The following BCAM variants were observed in gnomAD, a reference collection of about 807,000 sequenced individuals.
BCAM encodes basal cell adhesion molecule.
Under a neutral mutation model 72.4 loss-of-function variants are expected in BCAM, and 61 were observed. That is an observed-to-expected ratio of 0.84 (90% CI 0.69 to 1.04). The LOEUF is 1.04. BCAM is among the 50% of genes least tolerant of loss of function. The pLI is 0.00. For missense variants in BCAM, 909 were observed against 895.0 expected, an observed-to-expected ratio of 1.02 and a Z score of -0.20; for synonymous variants, 408 against 384.2, an observed-to-expected ratio of 1.06 and a Z score of -0.73.
chr19:44,817,216 G>A (rs1005485334), intron 8 of BCAM, among the ~76,000 whole-genome samples: 2 of 152,092 alleles, frequency 1.3e-5, no homozygotes, highest in Admixed American at 6.6e-5. Flanking sequence ...TAGCCTGGGC[G>A]ACAGAGCCAA....
rs937537692 is a variant in BCAM at position 44,811,322 on chromosome 19, C to A, written c.180C>A (p.Asp60Glu). 1 of 1,612,840 alleles carries A rather than the reference C, an allele frequency of 6.2e-7. No homozygotes were observed. Among genetic ancestry groups the A allele is most frequent in the Non-Finnish European group, 8.5e-7 (1 of 1,179,428 alleles). Residue 60 changes from aspartate (D) to glutamate (E), a missense_variant, in exon 2 of 15, where the codon GAC becomes GAA. Asp to Glu is a conservative substitution (Grantham distance 45, BLOSUM62 2). Coordinates refer to ENST00000270233, the MANE Select transcript of BCAM (RefSeq NM_005581.5). ...ACTGCACCCCTACGGGAACCCACGA[C>A]CATTATATGCTGGAATGGTTCCTTG... ...ILDCTPTGTH[D>E]HYMLEWFLTD...
intron 12 of BCAM, 39 bp downstream of exon 12, chr19:44,819,529 G>A: frequency 7.4e-6 from 12 of 1,613,422 alleles, no homozygotes; most frequent in Non-Finnish European, 1.0e-5. Flanking sequence ...CCGGGTGTGG[G>A]GCAGACAGAG....
At position 44,819,086 on chromosome 19, in the gene BCAM, A is replaced by T; in HGVS notation, c.1367A>T (p.Glu456Val). ...GSPELKTAEI[E>V]PKADGSWREG... ...CCAGAGCTAAAGACAGCGGAAATAGAGCCCAAGGCAGATGGCAGCTGGAGG... is the reference window on the plus strand; with the variant it reads ...CCAGAGCTAAAGACAGCGGAAATAGTGCCCAAGGCAGATGGCAGCTGGAGG... The change falls in exon 11 of 15, where the codon GAG becomes GTG. Residue 456 changes from glutamate to valine, a missense_variant. Coordinates refer to ENST00000270233, the MANE Select transcript of BCAM (RefSeq NM_005581.5). The T allele has an allele frequency of 6.2e-7, 1 of 1,614,066 alleles. No homozygotes were observed. The highest frequency in any genetic ancestry group is 8.5e-7 in the Non-Finnish European group (1 of 1,179,992).
Position 44,814,904 on chromosome 19 carries a change from G to GTT in BCAM, c.1078+144_1078+145insTT. On this transcript the variant is annotated intron_variant, in intron 8 of 14. Coordinates refer to ENST00000270233, the MANE Select transcript of BCAM (RefSeq NM_005581.5). The surrounding 1 kb of genome is among the most constrained non-coding windows in gnomAD (Gnocchi z 4.6). The stretch of plus-strand genomic sequence containing the variant: ...CTCTGCATTTCTTGGGGGTTTTTTT[G>GTT]GTTGTTTTTTTTTTTTTTTTTTTCC... 2 of 964,212 alleles carry GTT rather than the reference G, an allele frequency of 2.1e-6. No individual in the cohort carries two copies. The highest frequency in any genetic ancestry group is 2.8e-6 in the Non-Finnish European group (2 of 725,912). 59.7% of individuals were successfully genotyped at this position (964,212 alleles called of 1,614,324 possible). A position where few individuals can be genotyped will look rare whatever the true frequency, so the allele number is the denominator to read the frequency against.
At position 44,818,859 on chromosome 19, in the gene BCAM, A is replaced by G; in HGVS notation, c.1313A>G (p.Gln438Arg). 2 of 1,614,070 alleles carry G rather than the reference A, an allele frequency of 1.2e-6. No individual in the cohort carries two copies. The highest frequency in any genetic ancestry group is 1.7e-6 in the Non-Finnish European group (2 of 1,179,998). ...ACAGTCCCGGTCCTCAGCCGCACCC[A>G]GAACTTCACGCTGCTGGTCCAAGGT... ...LPTVPVLSRT[Q>R]NFTLLVQGSP... is the part of the protein sequence containing the mutation. Residue 438 changes from glutamine (Q) to arginine (R), a missense_variant, in exon 10 of 15, where the codon CAG becomes CGG. Physicochemically the swap from Gln to Arg is conservative, Grantham distance 43 (BLOSUM62 1). Transcript: ENST00000270233. This position sits in a 1 kb window ranked among gnomAD's most constrained non-coding sequence, Gnocchi z 4.6.
Position 44,814,396 on chromosome 19 carries a change from G to A in BCAM, c.921+108G>A. 1 of 1,481,986 alleles carries A rather than the reference G, an allele frequency of 6.7e-7. No homozygotes were observed. Among genetic ancestry groups the A allele is most frequent in the East Asian group, 2.3e-5 (1 of 43,030 alleles). The allele number at this position is 1,481,986 out of a possible 1,614,324, so 91.8% of individuals were successfully genotyped here. ...GGGACCTGGGAGTCCCCATGGCTTA[G>A]GCAGCCACCTGATCTGGTGGCCCAC... On this transcript the variant is annotated intron_variant, in intron 7 of 14. Transcript: ENST00000270233. The surrounding 1 kb of genome is among the most constrained non-coding windows in gnomAD (Gnocchi z 4.6).
In BCAM at chr19:44,812,870, AAC is replaced by A; in HGVS notation, c.504+323_504+324del. 2.3e-6 allele frequency: 1 copy of A among 432,792 alleles called. No individual in the cohort carries two copies. The highest frequency in any genetic ancestry group is 4.1e-5 in the Admixed American group (1 of 24,642). The allele number at this position is 432,792 out of a possible 1,614,324, so 26.8% of individuals were successfully genotyped here. On this transcript the variant is annotated intron_variant, in intron 4 of 14. Transcript: ENST00000270233. The surrounding 1 kb of genome is among the most constrained non-coding windows in gnomAD (Gnocchi z 5.3). ...GAGGCTGAGACAGGAGAATCACTCGAACCCAGAAGGCAGAGGCTACAGTGAGC... is the reference window on the plus strand; with the variant it reads ...GAGGCTGAGACAGGAGAATCACTCGACCAGAAGGCAGAGGCTACAGTGAGC...
rs962495746 is a variant in BCAM, at chr19:44,814,968, G to A, written c.1078+208G>A. 7.0e-6 allele frequency among the ~76,000 whole-genome samples: 1 copy of A among 143,568 alleles called. No homozygotes were observed. The highest frequency in any genetic ancestry group is 2.6e-5 in the African/African-American group (1 of 38,352). 94.2% of individuals were successfully genotyped at this position (143,568 alleles called of 152,430 possible). ...TGGCTACGTTGCCCAGGCTGGTCTCGAACTCCTCATGCGATCCTCCTGCCT... is the reference window on the plus strand; with the variant it reads ...TGGCTACGTTGCCCAGGCTGGTCTCAAACTCCTCATGCGATCCTCCTGCCT... On this transcript the variant is annotated intron_variant, in intron 8 of 14. Coordinates refer to ENST00000270233, the MANE Select transcript of BCAM (RefSeq NM_005581.5). The surrounding 1 kb of genome is among the most constrained non-coding windows in gnomAD (Gnocchi z 4.6).
At position 44,818,458 on chromosome 19, in the gene BCAM, CT is replaced by C; in HGVS notation, c.1079-63del. ...TTCATGTTTGCACCCCCGACCGCCC[CT>C]GGAGAGCCCCTAATTGAGTGGGTGG... On this transcript the variant is annotated intron_variant, in intron 8 of 14. Transcript: ENST00000270233. The surrounding 1 kb of genome is among the most constrained non-coding windows in gnomAD (Gnocchi z 4.6). 2.8e-6 allele frequency: 4 copies of C among 1,414,976 alleles called. No individual in the cohort carries two copies. Among genetic ancestry groups the C allele is most frequent in the Non-Finnish European group, 4.0e-6 (4 of 1,010,642 alleles). 87.7% of individuals were successfully genotyped at this position (1,414,976 alleles called of 1,614,324 possible).
Position 44,811,276 on chromosome 19 carries a change from G to C in BCAM, c.134G>C (p.Arg45Pro). ...GTACCCCCGCTGGTGGAGGTGATGC[G>C]AGGAAAGTCTGTCATTCTGGACTGC... ...LSVPPLVEVM[R>P]GKSVILDCTP... Residue 45 changes from arginine to proline, a missense_variant, in exon 2 of 15, where the codon CGA becomes CCA. By Grantham distance (103) the Arg-to-Pro change is moderately radical. Coordinates refer to ENST00000270233, the MANE Select transcript of BCAM (RefSeq NM_005581.5). The C allele has an allele frequency of 1.9e-6, 3 of 1,613,324 alleles. No homozygotes were observed. The highest frequency in any genetic ancestry group is 2.5e-6 in the Non-Finnish European group (3 of 1,179,930).
At chr19:44,810,880 G>A (rs1968408833) in intron 1 of BCAM, among the ~76,000 whole-genome samples, 1 of 152,084 alleles carries the variant, frequency 6.6e-6, no homozygotes, top group Non-Finnish European at 1.5e-5. Context: ...GAGAAGGGAT[G>A]GAGGGCGAAA....
intron 13 of BCAM, 109 bp downstream of exon 13, chr19:44,819,835 C>A: frequency 7.0e-7 from 1 of 1,431,942 alleles, no homozygotes; most frequent in Non-Finnish European, 9.1e-7. Flanking sequence ...ACCCCACATC[C>A]CACCACATCC....
rs1968482575 is a variant in BCAM at position 44,814,832 on chromosome 19, G to A, written c.1078+72G>A. On this transcript the variant is annotated intron_variant, in intron 8 of 14. Coordinates refer to ENST00000270233, the MANE Select transcript of BCAM (RefSeq NM_005581.5). This position sits in a 1 kb window ranked among gnomAD's most constrained non-coding sequence, Gnocchi z 4.6. ...GTGCCTCTGCGCCCTCCTCCCTACAGCCCTGAAGTTGCTCTGTCATCCCAA... is the reference window on the plus strand; with the variant it reads ...GTGCCTCTGCGCCCTCCTCCCTACAACCCTGAAGTTGCTCTGTCATCCCAA... 5 of 1,459,266 alleles carry A rather than the reference G, an allele frequency of 3.4e-6. No individual in the cohort carries two copies. The highest frequency in any genetic ancestry group is 4.5e-6 in the Non-Finnish European group (5 of 1,099,906). The allele number at this position is 1,459,266 out of a possible 1,614,324, so 90.4% of individuals were successfully genotyped here.
At chr19:44,809,088 C>T (rs1459173342), upstream of BCAM, 6 of 1,354,672 alleles carry the variant, frequency 4.4e-6, no homozygotes, top group East Asian at 1.9e-4. Flanking sequence ...AGCGGCCGAG[C>T]TGCAGCCCGG....
In BCAM at chr19:44,820,991, C is replaced by A; in HGVS notation, c.*70C>A. On this transcript the variant is annotated 3_prime_UTR_variant, in exon 15 of 15. Transcript: ENST00000270233. The stretch of plus-strand genomic sequence containing the variant: ...CATCAGAGAACCAGCCCTGCTCACG[C>A]CATGCCCGCCCCCGCCTTCCCTCTT... The A allele has an allele frequency of 6.8e-7, 1 of 1,465,574 alleles. No individual in the cohort carries two copies. The highest frequency in any genetic ancestry group is 1.4e-5 in the South Asian group (1 of 71,628). 90.8% of individuals were successfully genotyped at this position (1,465,574 alleles called of 1,614,324 possible).
In BCAM at chr19:44,819,187, G is replaced by A; in HGVS notation, c.1468G>A (p.Gly490Ser). ...DPKLSWSQLG[G>S]SPAEPIPGRQ... is the part of the protein sequence containing the mutation. ...CAAACTCAGCTGGAGCCAATTGGGG[G>A]GCAGCGTAAGGGACCTTCCTCTCCA... The change falls in exon 11 of 15, where the codon GGC (glycine) becomes AGC (serine). Residue 490 changes from glycine (G) to serine (S), a missense_variant. Physicochemically the swap from Gly to Ser is moderately conservative, Grantham distance 56. Transcript: ENST00000270233. The A allele has an allele frequency of 6.2e-7, 1 of 1,613,910 alleles. No individual in the cohort carries two copies. Among genetic ancestry groups the A allele is most frequent in the Non-Finnish European group, 8.5e-7 (1 of 1,179,934 alleles).
At position 44,818,447 on chromosome 19, in the gene BCAM, C is replaced by T; in HGVS notation, c.1079-75C>T. 2 of 1,212,614 alleles carry T rather than the reference C, an allele frequency of 1.6e-6. No homozygotes were observed. The highest frequency in any genetic ancestry group is 1.5e-5 in the African/African-American group (1 of 66,860). The allele number at this position is 1,212,614 out of a possible 1,614,324, so 75.1% of individuals were successfully genotyped here. A position where few individuals can be genotyped will look rare whatever the true frequency, so the allele number is the denominator to read the frequency against. ...CCAACTGTCCATTCATGTTTGCACC[C>T]CCGACCGCCCCTGGAGAGCCCCTAA... On this transcript the variant is annotated intron_variant, in intron 8 of 14. Transcript: ENST00000270233. This position sits in a 1 kb window ranked among gnomAD's most constrained non-coding sequence, Gnocchi z 4.6.
rs762226358 is a variant in BCAM, at chr19:44,813,283, G to T, written c.538G>T (p.Ala180Ser). The T allele has an allele frequency of 1.2e-6, 2 of 1,614,124 alleles. No individual in the cohort carries two copies. The highest frequency in any genetic ancestry group is 1.1e-5 in the South Asian group (1 of 91,090). ...ATCNSRNGNP[A>S]PKITWYRNGQ... is the part of the protein sequence containing the mutation. ...CTGCAACAGCCGGAACGGGAACCCG[G>T]CCCCCAAGATCACGTGGTATCGCAA... Residue 180 changes from alanine (A) to serine (S), a missense_variant, in exon 5 of 15, where the codon GCC (alanine) becomes TCC (serine). By Grantham distance (99) the Ala-to-Ser change is moderately conservative. Transcript: ENST00000270233. The surrounding 1 kb of genome is among the most constrained non-coding windows in gnomAD (Gnocchi z 4.2).
At position 44,812,570 on chromosome 19, in the gene BCAM, G is replaced by A. The variant is rs1337389942; in HGVS notation, c.504+22G>A. The A allele has an allele frequency of 3.1e-6, 5 of 1,613,590 alleles. No homozygotes were observed. The South Asian group carries it at 5.5e-5, about 18-fold the overall frequency. On this transcript the variant is annotated intron_variant, in intron 4 of 14. Transcript: ENST00000270233. This position sits in a 1 kb window ranked among gnomAD's most constrained non-coding sequence, Gnocchi z 5.3. ...GGAGGTACCTCTCGGGTGGACCTTG[G>A]CCCCAGGGTCCTGGAGGAGGAGGGG... is the stretch of plus-strand genomic sequence containing the variant.
Sources: gnomAD v4.1 joint callset for allele counts (sites outside exome capture counted in the v4.1 genomes callset) on GRCh38, gnomAD v4.1.1 for gene constraint, Gnocchi (gnomAD v3.1) non-coding constraint, MANE v1.5 for transcripts, NCBI Gene and HGNC (gene_info 2026-07-23, HGNC 2026-07-21) for gene names.